Variants in COL28A1 observed in about 807,000 individuals in gnomAD.
The protein encoded by COL28A1 is collagen type XXVIII alpha 1 chain.
Under a neutral mutation model 150.2 loss-of-function variants are expected in COL28A1, and 161 were observed. That is an observed-to-expected ratio of 1.07 (90% CI 0.94 to 1.22). COL28A1 has a LOEUF of 1.22. Among genes scored for constraint, COL28A1 ranks in the 50% most tolerant of loss-of-function variants. The pLI is 0.00. For synonymous variants in COL28A1, 552 were observed against 469.7 expected, an observed-to-expected ratio of 1.18 and a Z score of -2.26; for missense variants, 1,617 against 1,388.3, an observed-to-expected ratio of 1.16 and a Z score of -2.62.
chr7:7,490,892 T>C (rs911982802), intron 11 of COL28A1, among the ~76,000 whole-genome samples: 2 of 152,192 alleles, frequency 1.3e-5, no homozygotes, highest in Non-Finnish European at 2.9e-5. Context: ...TGCAAATATG[T>C]TCCAATTGTA....
chr7:7,506,080 GA>G lies in COL28A1; in HGVS notation c.973-14del. The G allele has an allele frequency of 7.7e-7, 1 of 1,293,300 alleles. No homozygotes were observed. The highest frequency in any genetic ancestry group is 1.1e-6 in the Non-Finnish European group (1 of 887,204). The allele number at this position is 1,293,300 out of a possible 1,614,324, so 80.1% of individuals were successfully genotyped here. On this transcript the variant is annotated splice_polypyrimidine_tract_variant and intron_variant, in intron 10 of 34. Coordinates refer to ENST00000399429, the MANE Select transcript of COL28A1 (RefSeq NM_001037763.3). Reference sequence around the variant, plus strand: ...GTCCAGTAATTCCCTGCTCCAGGATGAAAACCAAGAATTAGTTCTGTGTACA... The same window carrying G: ...GTCCAGTAATTCCCTGCTCCAGGATGAAACCAAGAATTAGTTCTGTGTACA...
At chr7:7,473,889 T>G (rs1198196570) in intron 15 of COL28A1, among the ~76,000 whole-genome samples, 1 of 150,762 alleles carries the variant, frequency 6.6e-6, no homozygotes, top group Non-Finnish European at 1.5e-5. Context: ...TAGTGTGTGT[T>G]TGTTTACATA....
At chr7:7,359,853 TAA>T in intron 34 of COL28A1, among the ~76,000 whole-genome samples, 1 of 152,180 alleles carries the variant, frequency 6.6e-6, no homozygotes, top group Non-Finnish European at 1.5e-5. Flanking sequence ...ATATATTGTG[TAA>T]TTCATTTTAA....
intron 27 of COL28A1, among the ~76,000 whole-genome samples, chr7:7,411,450 A>G (rs1783788063): frequency 6.6e-6 from 1 of 152,078 alleles, no homozygotes; most frequent in South Asian, 2.1e-4. Flanking sequence ...CCAAGCAATC[A>G]CCCAGGACTC....
Position 7,451,373 on chromosome 7 carries a change from G to T in COL28A1, c.1509+946C>A, listed in dbSNP as rs185437467. Among the ~76,000 whole-genome samples the T allele has an allele frequency of 2.9e-3, 444 of 152,032 alleles. 3 individuals are homozygous for T. Among genetic ancestry groups the T allele is most frequent in the Non-Finnish European group, 5.4e-3 (367 of 67,946 alleles). On this transcript the variant is annotated intron_variant, in intron 18 of 34. Coordinates refer to ENST00000399429, the MANE Select transcript of COL28A1 (RefSeq NM_001037763.3). ...CCCTAGTAGCTGGGACTACAAGCAC[G>T]CATCAATACGCCCAGCTAATTTTTG...
chr7:7,430,480 C>T (rs1443943207), intron 25 of COL28A1, among the ~76,000 whole-genome samples: 2 of 152,004 alleles, frequency 1.3e-5, no homozygotes, highest in Non-Finnish European at 2.9e-5. Context: ...ATTATTATTG[C>T]TCAATGTAAA....
chr7:7,377,447 G>T (rs1443860572), intron 30 of COL28A1, among the ~76,000 whole-genome samples: 1 of 152,096 alleles, frequency 6.6e-6, no homozygotes, highest in Non-Finnish European at 1.5e-5. Context: ...TCGATCTGCT[G>T]GGAATTCCTG....
Position 7,444,909 on chromosome 7 carries a change from T to C in COL28A1, c.1510-420A>G, listed in dbSNP as rs976177639. 9.2e-5 allele frequency among the ~76,000 whole-genome samples: 14 copies of C among 152,068 alleles called. No homozygotes were observed. The East Asian group carries it at 1.4e-3, about 15-fold the overall frequency. On this transcript the variant is annotated intron_variant, in intron 18 of 34. Coordinates refer to ENST00000399429, the MANE Select transcript of COL28A1 (RefSeq NM_001037763.3). Reference sequence around the variant, plus strand: ...GGAGGAGGGGCCTGGTAGGAGGTGATTGAGTTATGGGGGTGGACCTCCCCC... The same window carrying C: ...GGAGGAGGGGCCTGGTAGGAGGTGACTGAGTTATGGGGGTGGACCTCCCCC...
chr7:7,360,502 T>G lies in COL28A1; in HGVS notation c.3093A>C (p.Glu1031Asp), dbSNP rs757299565. Reference sequence around the variant, plus strand: ...ACGTTGGCTCTGGAGCCTTATCATCTTCATCCTGGTCTCTGGTGACACTCA... The same window carrying G: ...ACGTTGGCTCTGGAGCCTTATCATCGTCATCCTGGTCTCTGGTGACACTCA... ...ESLSVTRDQDEDDKAPEPTWA... is the reference protein window; with the variant it reads ...ESLSVTRDQDDDDKAPEPTWA... The change falls in exon 34 of 35, where the codon GAA (glutamate) becomes GAC (aspartate). Residue 1031 changes from glutamate to aspartate, a missense_variant. Physicochemically the swap from Glu to Asp is conservative, Grantham distance 45. Transcript: ENST00000399429. 8 of 1,605,712 alleles carry G rather than the reference T, an allele frequency of 5.0e-6. No individual in the cohort carries two copies. In the East Asian group the frequency reaches 1.8e-4, roughly 36 times the overall value.
Position 7,432,496 on chromosome 7 carries a change from CA to C in COL28A1, c.1974del (p.Gly659GlufsTer25). On this transcript the variant is annotated frameshift_variant, in exon 25 of 35. Coordinates refer to ENST00000399429, the MANE Select transcript of COL28A1 (RefSeq NM_001037763.3). LOFTEE classifies it high-confidence loss of function. Reference protein sequence around the residue: ...LPGPPGPMGLRGVGDTGAKGE... With the variant: ...LPGPPGPMGLXGVGDTGAKGE... ...ACCTTTGCTCCAGTGTCTCCCACTCCACGTAAACCCATCGGCCCAGGGGGTC... is the reference window on the plus strand; with the variant it reads ...ACCTTTGCTCCAGTGTCTCCCACTCCCGTAAACCCATCGGCCCAGGGGGTC... 6.2e-7 allele frequency: 1 copy of C among 1,614,086 alleles called. No individual in the cohort carries two copies. Among genetic ancestry groups the C allele is most frequent in the Non-Finnish European group, 8.5e-7 (1 of 1,179,992 alleles).
intron 15 of COL28A1, among the ~76,000 whole-genome samples, chr7:7,472,712 G>C (rs988111155): frequency 6.6e-5 from 10 of 152,122 alleles, no homozygotes; most frequent in Non-Finnish European, 1.5e-4. Flanking sequence ...AGCCCACATA[G>C]CCAAAGCAAG....
chr7:7,434,791 G>T (rs1174491571), intron 23 of COL28A1, among the ~76,000 whole-genome samples: 1 of 152,096 alleles, frequency 6.6e-6, no homozygotes, highest in Admixed American at 6.5e-5. Flanking sequence ...ATGGAATTTT[G>T]CCACTTGGCT....
intron 27 of COL28A1, among the ~76,000 whole-genome samples, chr7:7,412,972 T>C (rs1253862395): frequency 6.6e-6 from 1 of 152,018 alleles, no homozygotes; most frequent in East Asian, 1.9e-4. Flanking sequence ...AATGAGTCCC[T>C]CATTCTCTTT....
chr7:7,395,515 C>G (rs148421792), intron 27 of COL28A1, among the ~76,000 whole-genome samples: 323 of 152,282 alleles, frequency 2.1e-3, no homozygotes, highest in African/African-American at 7.4e-3. Context: ...CAAACAGAAG[C>G]TTGGGTTTCT....
intron 13 of COL28A1, among the ~76,000 whole-genome samples, chr7:7,484,440 G>C (rs770432044): frequency 2.0e-4 from 31 of 151,974 alleles, no homozygotes; most frequent in Non-Finnish European, 2.2e-4. Context: ...AAAAAACAAA[G>C]AAATCAGCCA....
chr7:7,435,777 A>T (rs1349346312), intron 23 of COL28A1, among the ~76,000 whole-genome samples: 1 of 152,208 alleles, frequency 6.6e-6, no homozygotes, highest in Non-Finnish European at 1.5e-5. Context: ...CTACGTAACA[A>T]CATGCTATTG....
intron 15 of COL28A1, among the ~76,000 whole-genome samples, chr7:7,459,332 G>A (rs1787419269): frequency 6.6e-6 from 1 of 152,212 alleles, no homozygotes; most frequent in African/African-American, 2.4e-5. Context: ...CTAAGAGATT[G>A]AACAAAGAAT....
At chr7:7,387,136 T>C (rs1448019664) in intron 27 of COL28A1, among the ~76,000 whole-genome samples, 1 of 152,062 alleles carries the variant, frequency 6.6e-6, no homozygotes, top group Non-Finnish European at 1.5e-5. Context: ...GTGGGGACCA[T>C]ATGAATTTTC....
intron 18 of COL28A1, among the ~76,000 whole-genome samples, chr7:7,450,157 G>A (rs1583403356): frequency 6.6e-6 from 1 of 152,128 alleles, no homozygotes; most frequent in African/African-American, 2.4e-5. Context: ...AGGTGGTACT[G>A]CAAATCAGTG....
Sources: gnomAD v4.1 joint callset for allele counts (sites outside exome capture counted in the v4.1 genomes callset) on GRCh38, gnomAD v4.1.1 for gene constraint, MANE v1.5 for transcripts, NCBI Gene and HGNC (gene_info 2026-07-23, HGNC 2026-07-21) for gene names.